Variants in MAP2K6 observed in about 807,000 individuals in gnomAD.
The protein encoded by MAP2K6 is dual specificity mitogen-activated protein kinase kinase 6.
MAP2K6 carries 16 observed loss-of-function variants against 53.7 expected under a neutral mutation model. The observed-to-expected ratio is 0.30, with a 90% CI of 0.20 to 0.45. The LOEUF is 0.45. Ranked by LOEUF, MAP2K6 falls within the 20% of genes least tolerant of loss-of-function variation. The pLI is 1.00. For synonymous variants in MAP2K6, 132 were observed against 143.1 expected, an observed-to-expected ratio of 0.92 and a Z score of 0.55; for missense variants, 204 against 411.9, an observed-to-expected ratio of 0.50 and a Z score of 4.37.
chr17:69,529,247 A>G (rs936755606), intron 10 of MAP2K6, among the ~76,000 whole-genome samples: 6 of 152,120 alleles, frequency 3.9e-5, no homozygotes, highest in Admixed American at 3.3e-4. Context: ...ATATTTTTAA[A>G]TGTTCTCAAG....
At chr17:69,423,472 T>C (rs1906162891) in intron 1 of MAP2K6, among the ~76,000 whole-genome samples, 1 of 152,228 alleles carries the variant, frequency 6.6e-6, no homozygotes, top group Non-Finnish European at 1.5e-5. Context: ...AAAATGTTTG[T>C]TGACCCTTTC....
chr17:69,456,008 G>A (rs1048660129), intron 1 of MAP2K6, among the ~76,000 whole-genome samples: 5 of 151,920 alleles, frequency 3.3e-5, no homozygotes, highest in East Asian at 1.9e-4. Context: ...TTACAGGCGC[G>A]TGCCACAACA....
intron 1 of MAP2K6, among the ~76,000 whole-genome samples, chr17:69,478,312 T>C (rs1052944963): frequency 3.3e-5 from 5 of 152,188 alleles, no homozygotes; most frequent in Non-Finnish European, 7.3e-5. Context: ...GAAGTTACCA[T>C]TGCATATGTG....
chr17:69,508,041 G>GTTTTTTTTTTTTTTTTTT (rs71144698), intron 2 of MAP2K6, among the ~76,000 whole-genome samples: 1 of 44,874 alleles, frequency 2.2e-5, no homozygotes, highest in African/African-American at 8.6e-5. Flanking sequence ...TATATATGTA[G>GTTTTTTTTTTTTTTTTTT]TTTTTTTTTT....
At chr17:69,503,788 A>C (rs1172807432) in intron 1 of MAP2K6, among the ~76,000 whole-genome samples, 1 of 152,210 alleles carries the variant, frequency 6.6e-6, no homozygotes, top group African/African-American at 2.4e-5. Flanking sequence ...AGGTATCTTA[A>C]TGTTTTTTCA....
chr17:69,439,121 T>C (rs1334417762), intron 1 of MAP2K6, among the ~76,000 whole-genome samples: 1 of 152,210 alleles, frequency 6.6e-6, no homozygotes, highest in Non-Finnish European at 1.5e-5. Flanking sequence ...CTGGTTATCA[T>C]TCATAAAATG....
At chr17:69,500,856 T>C (rs1348585866) in intron 1 of MAP2K6, among the ~76,000 whole-genome samples, 3 of 152,196 alleles carry the variant, frequency 2.0e-5, no homozygotes, top group African/African-American at 4.8e-5. Context: ...CTCAGTGGTA[T>C]ATAAGAGCCA....
chr17:69,461,055 A>G (rs928331716), intron 1 of MAP2K6, among the ~76,000 whole-genome samples: 5 of 152,226 alleles, frequency 3.3e-5, no homozygotes, highest in African/African-American at 9.6e-5. Flanking sequence ...GATGTGATAC[A>G]GATTCAAAAC....
chr17:69,452,925 T>C (rs1156312576), intron 1 of MAP2K6, among the ~76,000 whole-genome samples: 1 of 152,188 alleles, frequency 6.6e-6, no homozygotes, highest in Non-Finnish European at 1.5e-5. Flanking sequence ...AGTCAGTTGG[T>C]GATGACTTTG....
At chr17:69,491,267 C>G (rs1007962649) in intron 1 of MAP2K6, among the ~76,000 whole-genome samples, 2 of 152,144 alleles carry the variant, frequency 1.3e-5, no homozygotes, top group Non-Finnish European at 2.9e-5. Context: ...CCTCAGCCTC[C>G]TGAGTAGCTG....
intron 1 of MAP2K6, among the ~76,000 whole-genome samples, chr17:69,500,481 C>A (rs2521347): frequency 7.4e-6 from 1 of 136,006 alleles, no homozygotes; most frequent in Non-Finnish European, 1.6e-5. Context: ...AAAAGGCCGG[C>A]CATGGTGGCT....
At chr17:69,503,055 G>C (rs942517859) in intron 1 of MAP2K6, among the ~76,000 whole-genome samples, 42 of 152,158 alleles carry the variant, frequency 2.8e-4, no homozygotes, top group African/African-American at 8.7e-4. Flanking sequence ...TCTGCTTTTG[G>C]TTTGCTTAAA....
At chr17:69,440,138 C>G (rs1906771507) in intron 1 of MAP2K6, among the ~76,000 whole-genome samples, 1 of 152,022 alleles carries the variant, frequency 6.6e-6, no homozygotes, top group African/African-American at 2.4e-5. Context: ...ACTTCCACCT[C>G]CTGGGTTCAA....
At chr17:69,518,341 G>C (rs1160874072) in intron 4 of MAP2K6, among the ~76,000 whole-genome samples, 1 of 152,110 alleles carries the variant, frequency 6.6e-6, no homozygotes, top group Non-Finnish European at 1.5e-5. Context: ...TTTACGTATT[G>C]CATTTGGCTG....
rs77921673 is a variant in MAP2K6, at chr17:69,437,329, G to A, written c.16+22329G>A. On this transcript the variant is annotated intron_variant, in intron 1 of 11. Coordinates refer to ENST00000590474, the MANE Select transcript of MAP2K6 (RefSeq NM_002758.4). ...GGAAGAGAAAATATATTTACTAAGC[G>A]GAAATGGATCATCATAAAGGTTTTC... Among the ~76,000 whole-genome samples the A allele has an allele frequency of 6.0e-3, 918 of 152,148 alleles. 5 individuals are homozygous for A. The highest frequency in any genetic ancestry group is 0.021 in the African/African-American group (856 of 41,508).
At chr17:69,442,890 T>C (rs1263199407) in intron 1 of MAP2K6, among the ~76,000 whole-genome samples, 2 of 152,234 alleles carry the variant, frequency 1.3e-5, no homozygotes, top group Admixed American at 1.3e-4. Context: ...AGTTTATTTA[T>C]ATGTAATACC....
intron 1 of MAP2K6, among the ~76,000 whole-genome samples, chr17:69,485,795 T>G (rs1469033751): frequency 6.6e-6 from 1 of 152,222 alleles, no homozygotes; most frequent in Non-Finnish European, 1.5e-5. Context: ...TCTGTGTACC[T>G]CTCTGGCCTC....
intron 1 of MAP2K6, among the ~76,000 whole-genome samples, chr17:69,422,971 C>T (rs1906141944): frequency 6.6e-6 from 1 of 152,136 alleles, no homozygotes; most frequent in Non-Finnish European, 1.5e-5. Flanking sequence ...GCAATCGCCA[C>T]CTCCTGGGTT....
chr17:69,447,243 T>C (rs1017610845), intron 1 of MAP2K6, among the ~76,000 whole-genome samples: 2 of 151,960 alleles, frequency 1.3e-5, no homozygotes, highest in Non-Finnish European at 2.9e-5. Flanking sequence ...CCTCCCAAAG[T>C]GTTGGAATTA....
Sources: gnomAD v4.1 joint callset for allele counts (sites outside exome capture counted in the v4.1 genomes callset) on GRCh38, gnomAD v4.1.1 for gene constraint, MANE v1.5 for transcripts, NCBI Gene and HGNC (gene_info 2026-07-23, HGNC 2026-07-21) for gene names.